NEB: variants seen among roughly 807,000 people sequenced by gnomAD.
NEB encodes nemaline myopathy type 2.
In NEB, 512 loss-of-function variants were observed where a neutral mutation model predicts 952.2. That is an observed-to-expected ratio of 0.54 (90% CI 0.50 to 0.58). The LOEUF (loss-of-function observed/expected upper bound fraction) is 0.58, where lower values mean the gene tolerates loss of function less well. NEB is among the 20% of genes least tolerant of loss of function. The probability of loss-of-function intolerance (pLI) is 0.00; values close to 1 mark genes in which losing one functional copy is unlikely to be tolerated. For missense variants in NEB, 8,428 were observed against 9,231.1 expected, an observed-to-expected ratio of 0.91 and a Z score of 3.56; for synonymous variants, 2,900 against 3,149.8, an observed-to-expected ratio of 0.92 and a Z score of 2.66.
At chr2:151,646,103 A>G in intron 55 of NEB, 27 bp downstream of exon 55, 1 of 1,491,250 alleles carries the variant, frequency 6.7e-7, no homozygotes, top group Non-Finnish European at 9.1e-7. Context: ...AGCTTTCTGA[A>G]AACACATGCT....
intron 67 of NEB, among the ~76,000 whole-genome samples, chr2:151,630,204 C>T (rs1298448563): frequency 6.6e-6 from 1 of 152,094 alleles, no homozygotes; most frequent in East Asian, 1.9e-4. Flanking sequence ...TAATAAACCA[C>T]GTGTCTATAA....
rs1299337647 is a variant in NEB at position 151,636,421 on chromosome 2, G to C, written c.8995-87C>G. On this transcript the variant is annotated intron_variant, in intron 63 of 181. Coordinates refer to ENST00000397345, the MANE Select transcript of NEB (RefSeq NM_001164508.2). ...AAGACAATTCACTAAGTTCTCCACA[G>C]ACAGTGCCTATAATAATCTTTCTTT... 24 of 1,000,664 alleles carry C rather than the reference G, an allele frequency of 2.4e-5. No homozygotes were observed. The East Asian group carries it at 5.9e-4, about 24-fold the overall frequency. The allele number at this position is 1,000,664 out of a possible 1,614,324, so 62.0% of individuals were successfully genotyped here.
intron 138 of NEB, among the ~76,000 whole-genome samples, chr2:151,539,341 A>G (rs2093698740): frequency 6.6e-6 from 1 of 152,232 alleles, no homozygotes; most frequent in African/African-American, 2.4e-5. Flanking sequence ...TTTAAGCACT[A>G]ACTGGCATTG....
intron 179 of NEB, 36 bp downstream of exon 179, chr2:151,491,647 G>A (rs2056738947): frequency 1.4e-6 from 2 of 1,450,266 alleles, no homozygotes; most frequent in African/African-American, 1.4e-5. Flanking sequence ...ACTAAATGGT[G>A]ATGTTTATGT....
Position 151,640,602 on chromosome 2 carries a change from T to C in NEB, c.8438A>G (p.Asp2813Gly), listed in dbSNP as rs2098834218. 3 of 1,613,870 alleles carry C rather than the reference T, an allele frequency of 1.9e-6. No homozygotes were observed. The highest frequency in any genetic ancestry group is 1.7e-5 in the Admixed American group (1 of 60,006). Residue 2813 changes from aspartate (D) to glycine (G), a missense_variant, in exon 61 of 182, where the codon GAT (aspartate) becomes GGT (glycine). Transcript: ENST00000397345. ...CATGGACCACATCATCTTGGGGTCA[T>C]CACGTATAGCTCGGGCACCAATGTG... Reference protein sequence around the residue: ...GHHIGARAIRDDPKMMWSMHV... With the variant: ...GHHIGARAIRGDPKMMWSMHV...
chr2:151,486,149 C>T, intron 181 of NEB: 1 of 500,196 alleles, frequency 2.0e-6, no homozygotes, highest in South Asian at 3.1e-5. Context: ...ATATGACGAA[C>T]TCCTACAACT....
At chr2:151,629,073 CA>C (rs200006992) in intron 68 of NEB, among the ~76,000 whole-genome samples, 2 of 149,484 alleles carry the variant, frequency 1.3e-5, no homozygotes, top group East Asian at 2.0e-4. Context: ...GATAATTTTC[CA>C]AAAAAAAATG....
intron 10 of NEB, among the ~76,000 whole-genome samples, chr2:151,713,298 C>T (rs2099750270): frequency 6.6e-6 from 1 of 152,170 alleles, no homozygotes; most frequent in African/African-American, 2.4e-5. Context: ...AGCACTGGGA[C>T]TCCTGATGGT....
Position 151,694,379 on chromosome 2 carries a change from T to C in NEB, c.1840A>G (p.Ile614Val). 1 of 1,614,036 alleles carries C rather than the reference T, an allele frequency of 6.2e-7. No individual in the cohort carries two copies. Among genetic ancestry groups the C allele is most frequent in the East Asian group, 2.2e-5 (1 of 44,878 alleles). Residue 614 changes from isoleucine to valine, a missense_variant, in exon 20 of 182, where the codon ATT becomes GTT. Transcript: ENST00000397345. Reference sequence around the variant, plus strand: ...TGCAGCATCTTGGGATCGTCATTAATGCTGAGGACTCCAATCATTTTCCCT... The same window carrying C: ...TGCAGCATCTTGGGATCGTCATTAACGCTGAGGACTCCAATCATTTTCCCT... The part of the protein sequence containing the change: ...NKGKMIGVLS[I>V]NDDPKMLHSL...
In NEB at chr2:151,610,516, G is replaced by A. The variant is rs552686980; in HGVS notation, c.12018C>T (p.Asp4006=). ...SAKASRDIAS[D]YKYKEAYEKQ... ...AGAGAGTTAGATGGAAGGTACTCAC[G>A]TCACTGGCGATGTCCCTGGAGGCCT... Residue 4006 remains aspartate (D), a splice_region_variant and synonymous_variant, in exon 80 of 182, where the codon GAC becomes GAT. Coordinates refer to ENST00000397345, the MANE Select transcript of NEB (RefSeq NM_001164508.2). The A allele has an allele frequency of 6.3e-5, 101 of 1,602,452 alleles. No homozygotes were observed. The highest frequency in any genetic ancestry group is 1.7e-4 in the Middle Eastern group (1 of 6,038).
At chr2:151,544,046 C>T (rs1182619725) in intron 135 of NEB, among the ~76,000 whole-genome samples, 3 of 152,164 alleles carry the variant, frequency 2.0e-5, no homozygotes, top group Admixed American at 6.5e-5. Context: ...AAAACAGATT[C>T]GTAGGCTGTC....
At chr2:151,523,659 G>C (rs1008259667) in intron 153 of NEB, among the ~76,000 whole-genome samples, 3 of 152,172 alleles carry the variant, frequency 2.0e-5, no homozygotes, top group Non-Finnish European at 4.4e-5. Context: ...CCTAACAAGG[G>C]AAAATAAGTC....
At position 151,636,378 on chromosome 2, in the gene NEB, A is replaced by G. The variant is rs1377157383; in HGVS notation, c.8995-44T>C. 2.8e-6 allele frequency: 4 copies of G among 1,444,692 alleles called. No homozygotes were observed. The Admixed American group carries it at 7.6e-5, about 27-fold the overall frequency. 89.5% of individuals were successfully genotyped at this position (1,444,692 alleles called of 1,614,324 possible). A position where few individuals can be genotyped will look rare whatever the true frequency, so the allele number is the denominator to read the frequency against. Reference sequence around the variant, plus strand: ...AAATCAGATGCTGACATTTATATCTAAAAACTGACAGAGGACTAAGACAAT... The same window carrying G: ...AAATCAGATGCTGACATTTATATCTGAAAACTGACAGAGGACTAAGACAAT... On this transcript the variant is annotated intron_variant, in intron 63 of 181. Transcript: ENST00000397345.
intron 34 of NEB, 24 bp from the exon 35 acceptor site, chr2:151,675,415 A>G: frequency 7.0e-7 from 1 of 1,434,892 alleles, no homozygotes; most frequent in Non-Finnish European, 9.6e-7. Context: ...CATTTCACAT[A>G]GTGCAAAAAG....
intron 54 of NEB, 44 bp downstream of exon 54, chr2:151,650,132 G>A (rs1201098122): frequency 6.4e-7 from 1 of 1,571,068 alleles, no homozygotes; most frequent in Non-Finnish European, 8.7e-7. Flanking sequence ...GCAAACACTA[G>A]GTAGCAGGCA....
Position 151,642,629 on chromosome 2 carries a change from C to T in NEB, c.8318G>A (p.Arg2773Gln), listed in dbSNP as rs35974308. ...EEAKRKGYDMRVDAIPIKAAK... is the reference protein window; with the variant it reads ...EEAKRKGYDMQVDAIPIKAAK... Reference sequence around the variant, plus strand: ...TGCCTTGATAGGAATGGCATCTACCCGCATGTCATAACCTTTCCTCTTGGC... The same window carrying T: ...TGCCTTGATAGGAATGGCATCTACCTGCATGTCATAACCTTTCCTCTTGGC... The change falls in exon 60 of 182, where the codon CGG becomes CAG. Residue 2773 changes from arginine (R) to glutamine (Q), a missense_variant. By Grantham distance (43) the Arg-to-Gln change is conservative. Transcript: ENST00000397345. 41,407 of 1,613,648 alleles carry T rather than the reference C, an allele frequency of 0.026. 644 individuals carry two copies. The highest frequency in any genetic ancestry group is 0.048 in the South Asian group (4,338 of 91,018).
chr2:151,635,295 G>A (rs761902569), intron 64 of NEB, among the ~76,000 whole-genome samples: 1 of 152,152 alleles, frequency 6.6e-6, no homozygotes, highest in African/African-American at 2.4e-5. Flanking sequence ...ACTAACATAA[G>A]ATTCCAATAT....
chr2:151,698,208 TTTTC>T (rs923215093), intron 13 of NEB, among the ~76,000 whole-genome samples: 2 of 152,198 alleles, frequency 1.3e-5, no homozygotes, highest in African/African-American at 2.4e-5. Flanking sequence ...AAAAAATTTT[TTTTC>T]TTTCTTTTTT....
At chr2:151,653,797 C>T (rs1002629661) in intron 52 of NEB, among the ~76,000 whole-genome samples, 195 bp downstream of exon 52, 10 of 152,114 alleles carry the variant, frequency 6.6e-5, no homozygotes, top group African/African-American at 2.2e-4. Flanking sequence ...CTGGCCCGAC[C>T]TCTATTCAGG....
Sources: gnomAD v4.1 joint callset for allele counts (sites outside exome capture counted in the v4.1 genomes callset) on GRCh38, gnomAD v4.1.1 for gene constraint, MANE v1.5 for transcripts, NCBI Gene and HGNC (gene_info 2026-07-23, HGNC 2026-07-21) for gene names.